ARHGEF11: variants seen among roughly 807,000 people sequenced by gnomAD.
The protein encoded by ARHGEF11 is Rho guanine nucleotide exchange factor 11.
Under a neutral mutation model 193.7 loss-of-function variants are expected in ARHGEF11, and 55 were observed. That is an observed-to-expected ratio of 0.28 (90% CI 0.23 to 0.36). ARHGEF11 has a LOEUF of 0.36. Among genes scored for constraint, ARHGEF11 ranks in the 10% least tolerant of loss-of-function variants. ARHGEF11 has a pLI of 1.00. For synonymous variants in ARHGEF11, 693 were observed against 768.0 expected (o/e 0.90, Z 1.62); for missense variants, 1,723 against 2,005.6 (o/e 0.86, Z 2.69).
chr1:156,949,761 C>A (rs1280146631), intron 22 of ARHGEF11, among the ~76,000 whole-genome samples: 1 of 152,172 alleles, frequency 6.6e-6, no homozygotes, highest in East Asian at 1.9e-4. Context: ...TTCCTTCAAG[C>A]ACCCAGAAGT....
At chr1:156,991,270 A>G (rs1270334541) in intron 1 of ARHGEF11, among the ~76,000 whole-genome samples, 1 of 152,192 alleles carries the variant, frequency 6.6e-6, no homozygotes, top group African/African-American at 2.4e-5. Flanking sequence ...TCCCAGTATC[A>G]TCAGTAATGT....
chr1:156,938,922 TC>T (rs561152236), intron 37 of ARHGEF11: 185 of 202,318 alleles, frequency 9.1e-4, no homozygotes, highest in African/African-American at 4.0e-3. Context: ...GGGACCTTCC[TC>T]CCTGGGCTCA....
At chr1:156,979,077 A>G (rs1214014761) in intron 5 of ARHGEF11, 152 bp downstream of exon 5, 26 of 687,518 alleles carry the variant, frequency 3.8e-5, no homozygotes, top group Non-Finnish European at 6.5e-5. Context: ...TAAGTGGATC[A>G]CTCCATGTTA....
intron 13 of ARHGEF11, among the ~76,000 whole-genome samples, chr1:156,962,610 G>T (rs996358001): frequency 1.1e-4 from 17 of 152,224 alleles, no homozygotes; most frequent in Admixed American, 1.1e-3. Context: ...CGGGCGTGGT[G>T]GCTCATGCCT....
intron 1 of ARHGEF11, among the ~76,000 whole-genome samples, chr1:156,996,385 T>C (rs1028556173): frequency 6.6e-6 from 1 of 152,068 alleles, no homozygotes; most frequent in Non-Finnish European, 1.5e-5. Context: ...GGGAGAATTC[T>C]GACAGGTAGC....
In ARHGEF11 at chr1:157,017,706, CAAAAAAAAAA is replaced by C. The variant is rs1047573559; in HGVS notation, c.32+26583_32+26592del. On this transcript the variant is annotated intron_variant, in intron 1 of 40. Transcript: ENST00000368194. ...TGGGCAACAGAGTGAGACTCCGTCT[CAAAAAAAAAA>C]AAAAAAAAAAAAAAAGAAACGGAGA... 1.2e-3 allele frequency among the ~76,000 whole-genome samples: 51 copies of C among 41,544 alleles called. 4 individuals are homozygous for C. In the East Asian group the frequency reaches 0.028, roughly 22 times the overall value. The allele number at this position is 41,544 out of a possible 152,430, so 27.3% of individuals were successfully genotyped here. A position where few individuals can be genotyped will look rare whatever the true frequency, so the allele number is the denominator to read the frequency against.
At chr1:156,965,866 C>T (rs968467956) in intron 11 of ARHGEF11, among the ~76,000 whole-genome samples, 7 of 152,182 alleles carry the variant, frequency 4.6e-5, no homozygotes, top group Non-Finnish European at 1.0e-4. Flanking sequence ...CTTCAAGAAA[C>T]TTAAGAGCTC....
chr1:156,945,401 C>G lies in ARHGEF11; in HGVS notation c.2813-204G>C. The G allele has an allele frequency of 5.2e-6, 3 of 580,878 alleles. No homozygotes were observed. The South Asian group carries it at 6.4e-5, about 12-fold the overall frequency. The allele number at this position is 580,878 out of a possible 1,614,324, so 36.0% of individuals were successfully genotyped here. A position where few individuals can be genotyped will look rare whatever the true frequency, so the allele number is the denominator to read the frequency against. On this transcript the variant is annotated intron_variant, in intron 29 of 40. Transcript: ENST00000368194. ...GAGCATCTTCAGGTCTCAGACAGAT[C>G]ACTGCTTTGAAGACGCTGATAGCTC...
chr1:157,046,649 T>C (rs1365491807), upstream of ARHGEF11, among the ~76,000 whole-genome samples: 3 of 152,224 alleles, frequency 2.0e-5, no homozygotes, highest in Non-Finnish European at 4.4e-5. Flanking sequence ...CTTTGAACTC[T>C]ATGGAAGAGC....
At chr1:157,040,595 T>C (rs1263868470) in intron 1 of ARHGEF11, among the ~76,000 whole-genome samples, 1 of 152,202 alleles carries the variant, frequency 6.6e-6, no homozygotes, top group Non-Finnish European at 1.5e-5. Context: ...ATTCTTCTAG[T>C]ACCCTATCTA....
chr1:157,021,898 T>C (rs1557967573), intron 1 of ARHGEF11, among the ~76,000 whole-genome samples: 1 of 152,224 alleles, frequency 6.6e-6, no homozygotes, highest in Non-Finnish European at 1.5e-5. Context: ...GTTTAACATA[T>C]GAATCTCAAT....
chr1:156,979,863 TA>T (rs1251652479), intron 4 of ARHGEF11, among the ~76,000 whole-genome samples: 4 of 152,238 alleles, frequency 2.6e-5, no homozygotes, highest in Non-Finnish European at 4.4e-5. Context: ...ATTTTTGGTA[TA>T]CACTTTTCTA....
At chr1:157,034,974 T>C (rs144626468) in intron 1 of ARHGEF11, among the ~76,000 whole-genome samples, 205 of 152,168 alleles carry the variant, frequency 1.3e-3, no homozygotes, top group African/African-American at 4.7e-3. Context: ...AGAACACTGA[T>C]ATAAAGGTGT....
At chr1:156,947,251 C>G (rs1658314885) in intron 26 of ARHGEF11, 53 bp downstream of exon 26, 1 of 1,560,824 alleles carries the variant, frequency 6.4e-7, no homozygotes, top group African/African-American at 1.4e-5. Flanking sequence ...CAAAGTGGAA[C>G]AGGAAGCTGA....
Position 157,044,500 on chromosome 1 carries a change from C to A in ARHGEF11, c.-170G>T. ...TGGTAACTGATGCTCCACTCTACTT[C>A]TACCAGTGAACATGATTTCCTTTCT... On this transcript the variant is annotated 5_prime_UTR_variant, in exon 1 of 41. Coordinates refer to ENST00000368194, the MANE Select transcript of ARHGEF11 (RefSeq NM_198236.3). 1.8e-6 allele frequency: 1 copy of A among 548,098 alleles called. No homozygotes were observed. The highest frequency in any genetic ancestry group is 3.3e-6 in the Non-Finnish European group (1 of 303,408). The allele number at this position is 548,098 out of a possible 1,614,324, so 34.0% of individuals were successfully genotyped here.
At chr1:157,002,526 T>C (rs1220415372) in intron 1 of ARHGEF11, among the ~76,000 whole-genome samples, 1 of 152,162 alleles carries the variant, frequency 6.6e-6, no homozygotes, top group Non-Finnish European at 1.5e-5. Flanking sequence ...TACCCAATGA[T>C]CCTTTCAGTA....
chr1:157,011,866 A>G (rs1668584864), intron 1 of ARHGEF11, among the ~76,000 whole-genome samples: 1 of 152,208 alleles, frequency 6.6e-6, no homozygotes, highest in African/African-American at 2.4e-5. Context: ...TGAGAAGCTT[A>G]ATACATTGCT....
rs1557894281 is a variant in ARHGEF11, at chr1:156,979,290, T to C, written c.274-4A>G. On this transcript the variant is annotated splice_region_variant and splice_polypyrimidine_tract_variant and intron_variant, in intron 4 of 40. Transcript: ENST00000368194. ...TGGTCACCATGGTGCCGTTGACCTG[T>C]TGGAGGGACAAACAGTATTGAGTAA... The C allele has an allele frequency of 1.9e-6, 3 of 1,613,642 alleles. No homozygotes were observed. The highest frequency in any genetic ancestry group is 1.1e-5 in the South Asian group (1 of 91,056).
chr1:156,939,249 T>C (rs1272034494), intron 37 of ARHGEF11: 11 of 387,942 alleles, frequency 2.8e-5, no homozygotes, highest in East Asian at 1.9e-4. Flanking sequence ...GTACTGGTAG[T>C]TGGTTTGTGC....
Sources: gnomAD v4.1 joint callset for allele counts (sites outside exome capture counted in the v4.1 genomes callset) on GRCh38, gnomAD v4.1.1 for gene constraint, MANE v1.5 for transcripts, NCBI Gene and HGNC (gene_info 2026-07-23, HGNC 2026-07-21) for gene names.